The following ENPP2 variants were observed in gnomAD, a reference collection of about 807,000 sequenced individuals.
The protein encoded by ENPP2 is ectonucleotide pyrophosphatase/phosphodiesterase 2.
Under a neutral mutation model 120.2 loss-of-function variants are expected in ENPP2, and 51 were observed. The ratio of observed to expected loss-of-function variants is 0.42; its 90% CI spans 0.34 to 0.54. The LOEUF is 0.54. ENPP2 is among the 20% of genes least tolerant of loss of function. The probability of loss-of-function intolerance (pLI) is 0.04; values close to 1 mark genes in which losing one functional copy is unlikely to be tolerated. For missense variants in ENPP2, 920 were observed against 1,066.5 expected, an observed-to-expected ratio of 0.86 and a Z score of 1.91; for synonymous variants, 365 against 366.4, an observed-to-expected ratio of 1.00 and a Z score of 0.04.
intron 1 of ENPP2, among the ~76,000 whole-genome samples, chr8:119,644,621 T>G (rs377275809): frequency 6.7e-5 from 7 of 104,498 alleles, no homozygotes; most frequent in African/African-American, 1.9e-4. Flanking sequence ...TATATATATA[T>G]ATATACACAC....
chr8:119,566,268 G>C (rs886731995), intron 22 of ENPP2, among the ~76,000 whole-genome samples: 4 of 152,170 alleles, frequency 2.6e-5, no homozygotes, highest in African/African-American at 9.7e-5. Flanking sequence ...GAAGGAGACA[G>C]GATAGGCAAG....
At chr8:119,672,056 G>C (rs1351568340) in intron 1 of ENPP2, among the ~76,000 whole-genome samples, 1 of 152,082 alleles carries the variant, frequency 6.6e-6, no homozygotes, top group East Asian at 1.9e-4. Flanking sequence ...GGAGGTCTTC[G>C]GCGGCCTTGC....
At chr8:119,570,988 T>C (rs1814929246) in intron 19 of ENPP2, 147 bp from the exon 20 acceptor site, 1 of 464,658 alleles carries the variant, frequency 2.2e-6, no homozygotes, top group African/African-American at 2.0e-5. Context: ...ATCAAGCTAG[T>C]TTTCCTAACA....
chr8:119,657,360 C>T (rs1326378898), intron 1 of ENPP2, among the ~76,000 whole-genome samples: 1 of 152,222 alleles, frequency 6.6e-6, no homozygotes, highest in Non-Finnish European at 1.5e-5. Flanking sequence ...TTACACCATA[C>T]CATGCCTCCT....
chr8:119,612,335 A>G (rs146067006), intron 8 of ENPP2, among the ~76,000 whole-genome samples: 1 of 152,322 alleles, frequency 6.6e-6, no homozygotes, highest in Non-Finnish European at 1.5e-5. Context: ...CTGAAAAGAA[A>G]TATTGTCTCT....
intron 2 of ENPP2, among the ~76,000 whole-genome samples, chr8:119,634,491 A>G (rs1437526748): frequency 1.3e-5 from 2 of 152,214 alleles, no homozygotes; most frequent in Non-Finnish European, 2.9e-5. Context: ...AGATTAATTA[A>G]ATGAATTATC....
chr8:119,569,433 A>T, intron 20 of ENPP2, 63 bp from the exon 21 acceptor site: 1 of 1,529,390 alleles, frequency 6.5e-7, no homozygotes, highest in South Asian at 1.2e-5. Context: ...TGAAATCAAA[A>T]CCCCTCTGGC....
rs1279056020 is a variant in ENPP2, at chr8:119,669,017, A to C, written c.21+4235T>G. On this transcript the variant is annotated intron_variant, in intron 1 of 25. Coordinates refer to the ENPP2 transcript ENST00000427067. ...ATCTCTGCACACATACACCCCAAAAATTAAAAGTCAAAACAGATTATAACT... is the reference window on the plus strand; with the variant it reads ...ATCTCTGCACACATACACCCCAAAACTTAAAAGTCAAAACAGATTATAACT... Among the ~76,000 whole-genome samples, 5 of 152,354 alleles carry C rather than the reference A, an allele frequency of 3.3e-5. No individual in the cohort carries two copies. The East Asian group carries it at 9.6e-4, about 29-fold the overall frequency.
At chr8:119,638,117 C>T (rs1285834131) in intron 2 of ENPP2, among the ~76,000 whole-genome samples, 1 of 152,202 alleles carries the variant, frequency 6.6e-6, no homozygotes, top group Admixed American at 6.5e-5. Flanking sequence ...ATTAAACCAA[C>T]ACCTGTTCTC....
At position 119,634,264 on chromosome 8, in the gene ENPP2, G is replaced by T. The variant is rs1324822398; in HGVS notation, c.136+4161C>A. On this transcript the variant is annotated intron_variant, in intron 2 of 24. Coordinates refer to ENST00000075322, the MANE Select transcript of ENPP2 (RefSeq NM_001040092.3). ...GTCCTCATATAGAGCTCACAAACTA[G>T]AAGGAAAAAAAAAGATTTCTACGTA... Among the ~76,000 whole-genome samples the T allele has an allele frequency of 2.0e-5, 3 of 149,830 alleles. No homozygotes were observed. In the East Asian group the frequency reaches 5.8e-4, roughly 29 times the overall value.
intron 1 of ENPP2, chr8:119,673,212 C>G (rs749251880): frequency 6.7e-7 from 1 of 1,499,474 alleles, no homozygotes; most frequent in South Asian, 1.2e-5. Flanking sequence ...CCTGGGAGCC[C>G]AAGCAATGGA....
At chr8:119,587,770 G>A (rs1053430060) in intron 13 of ENPP2, among the ~76,000 whole-genome samples, 3 of 152,196 alleles carry the variant, frequency 2.0e-5, no homozygotes, top group Non-Finnish European at 4.4e-5. Flanking sequence ...CCTTTTGGGC[G>A]GAATGTGGGG....
intron 1 of ENPP2, among the ~76,000 whole-genome samples, chr8:119,657,881 A>C (rs1241544065): frequency 1.3e-5 from 2 of 152,186 alleles, no homozygotes; most frequent in Admixed American, 1.3e-4. Context: ...TGCTTTTCTC[A>C]GCATTCCTCA....
intron 5 of ENPP2, among the ~76,000 whole-genome samples, chr8:119,618,903 T>C (rs375088219): frequency 2.6e-5 from 4 of 151,974 alleles, no homozygotes; most frequent in African/African-American, 9.7e-5. Context: ...CCCCGCAAAG[T>C]AGGCAAAACA....
chr8:119,630,553 G>T (rs1816591753), intron 2 of ENPP2, among the ~76,000 whole-genome samples: 1 of 152,086 alleles, frequency 6.6e-6, no homozygotes, highest in Non-Finnish European at 1.5e-5. Flanking sequence ...GAAAATAATT[G>T]AATCTCACTT....
At chr8:119,603,352 T>C (rs938789375) in intron 9 of ENPP2, among the ~76,000 whole-genome samples, 50 of 152,172 alleles carry the variant, frequency 3.3e-4, no homozygotes, top group African/African-American at 1.2e-3. Context: ...CCACTTTCAA[T>C]ACTAATGGAA....
At chr8:119,615,035 A>C (rs1249684586) in intron 8 of ENPP2, among the ~76,000 whole-genome samples, 1 of 152,170 alleles carries the variant, frequency 6.6e-6, no homozygotes, top group Non-Finnish European at 1.5e-5. Flanking sequence ...ATGCAATATA[A>C]ATATTTTGAT....
chr8:119,584,097 C>G (rs367612954), intron 15 of ENPP2, 48 bp from the exon 16 acceptor site: 1 of 1,308,200 alleles, frequency 7.6e-7, no homozygotes, highest in Non-Finnish European at 1.1e-6. Flanking sequence ...CATGAAATTA[C>G]TTTGATAAAA....
intron 9 of ENPP2, among the ~76,000 whole-genome samples, chr8:119,607,321 C>A (rs1418862111): frequency 6.6e-6 from 1 of 152,130 alleles, no homozygotes; most frequent in East Asian, 1.9e-4. Flanking sequence ...CAAAAACCTA[C>A]AAACAGGAAT....
Sources: gnomAD v4.1 joint callset for allele counts (sites outside exome capture counted in the v4.1 genomes callset) on GRCh38, gnomAD v4.1.1 for gene constraint, MANE v1.5 for transcripts, NCBI Gene and HGNC (gene_info 2026-07-23, HGNC 2026-07-21) for gene names.